The following RNF213 variants were observed in gnomAD, a reference collection of about 807,000 sequenced individuals.
RNF213 encodes ring finger protein 213, also known as E3 ubiquitin-protein ligase RNF213.
A neutral mutation model predicts 514.4 loss-of-function variants in RNF213; 341 were observed. The observed-to-expected ratio is 0.66, with a 90% confidence interval of 0.61 to 0.73. The LOEUF is 0.73. Ranked by LOEUF, RNF213 falls within the 30% of genes least tolerant of loss-of-function variation. The pLI, the probability that RNF213 is intolerant of heterozygous loss-of-function variation, is 0.00. For synonymous variants in RNF213, 2,655 were observed against 2,658.2 expected, an observed-to-expected ratio of 1.00 and a Z score of 0.04; for missense variants, 5,767 against 6,615.6, an observed-to-expected ratio of 0.87 and a Z score of 4.45.
At chr17:80,286,298 G>A (rs910138600) in intron 3 of RNF213, among the ~76,000 whole-genome samples, 8 of 152,094 alleles carry the variant, frequency 5.3e-5, no homozygotes, top group Non-Finnish European at 8.8e-5. Context: ...GGGTGGGGGC[G>A]CCTCCTGTGC....
chr17:80,295,853 A>G (rs1184096722), intron 10 of RNF213, 40 bp downstream of exon 10: 2 of 1,608,960 alleles, frequency 1.2e-6, no homozygotes, highest in South Asian at 1.1e-5. Context: ...TATAGCTATT[A>G]TAATGATTTT....
Position 80,386,379 on chromosome 17 carries a change from T to G in RNF213, c.14669T>G (p.Leu4890Arg), listed in dbSNP as rs1427354307. ...GCTCTCGTCAGCTACTTGATTCGCCTACACAATGAAATTGTCTACGCCGTG... is the reference window on the plus strand; with the variant it reads ...GCTCTCGTCAGCTACTTGATTCGCCGACACAATGAAATTGTCTACGCCGTG... The part of the protein sequence containing the change: ...ATALVSYLIR[L>R]HNEIVYAVEK... Residue 4890 changes from leucine (L) to arginine (R), a missense_variant, in exon 62 of 68, where the codon CTA (leucine) becomes CGA (arginine). Around this residue, in one of 13 missense-constraint regions of RNF213, gnomAD observed 1,245 missense variants for 1,339.0 expected, o/e 0.93. Coordinates refer to ENST00000582970, the MANE Select transcript of RNF213 (RefSeq NM_001256071.3). 6.2e-7 allele frequency: 1 copy of G among 1,614,182 alleles called. No homozygotes were observed. Among genetic ancestry groups the G allele is most frequent in the South Asian group, 1.1e-5 (1 of 91,092 alleles).
intron 3 of RNF213, among the ~76,000 whole-genome samples, chr17:80,279,085 C>T (rs2044168202): frequency 6.6e-6 from 1 of 152,234 alleles, no homozygotes; most frequent in African/African-American, 2.4e-5. Context: ...CTGATTCAGG[C>T]TTGGCTCTTG....
intron 63 of RNF213, among the ~76,000 whole-genome samples, chr17:80,387,983 G>A (rs535405594): frequency 1.1e-4 from 16 of 144,632 alleles, no homozygotes; most frequent in South Asian, 2.2e-4. Context: ...TTTTTGAGAC[G>A]GAGTCTCGCT....
rs2078086941 is a variant in RNF213 at position 80,339,538 on chromosome 17, C to T, written c.5171C>T (p.Ala1724Val). ...CTCAGGAAGCAGCCCCCGAGTGATG[C>T]CGCCCTAACGATGCTATCCTTCATC... ...TELRKQPPSDAALTMLSFIKS... is the reference protein window; with the variant it reads ...TELRKQPPSDVALTMLSFIKS... The change falls in exon 26 of 68, where the codon GCC (alanine) becomes GTC (valine). Residue 1724 changes from alanine (A) to valine (V), a missense_variant. Physicochemically the swap from Ala to Val is moderately conservative, Grantham distance 64. Transcript: ENST00000582970. 1.3e-6 allele frequency: 2 copies of T among 1,537,182 alleles called. No homozygotes were observed. Among genetic ancestry groups the T allele is most frequent in the East Asian group, 2.4e-5 (1 of 40,916 alleles).
intron 47 of RNF213, 36 bp downstream of exon 47, chr17:80,372,021 A>C (rs1386164232): frequency 3.7e-6 from 4 of 1,075,008 alleles, no homozygotes; most frequent in Non-Finnish European, 5.8e-6. Context: ...TTTCTTTTGG[A>C]AACTATCTGA....
chr17:80,269,504 T>C (rs1316061620), intron 2 of RNF213, among the ~76,000 whole-genome samples: 3 of 151,756 alleles, frequency 2.0e-5, no homozygotes, highest in Admixed American at 2.0e-4. Flanking sequence ...CATTCATCTA[T>C]TCTATCTATC....
chr17:80,276,192 C>G (rs1267165443), intron 3 of RNF213, among the ~76,000 whole-genome samples: 1 of 151,930 alleles, frequency 6.6e-6, no homozygotes, highest in Non-Finnish European at 1.5e-5. Flanking sequence ...CCTCCACCTC[C>G]CGGGTTCAAG....
Position 80,319,181 on chromosome 17 carries a change from T to G in RNF213, c.2902-9T>G, listed in dbSNP as rs1599014781. ...AAGCTCTGAAACCACCCCCCTTTGA[T>G]TTTTGCAGGAGGAACCCCTCTCCCA... On this transcript the variant is annotated splice_polypyrimidine_tract_variant and intron_variant, in intron 16 of 67. Coordinates refer to ENST00000582970, the MANE Select transcript of RNF213 (RefSeq NM_001256071.3). The G allele has an allele frequency of 6.2e-7, 1 of 1,614,126 alleles. No homozygotes were observed. The highest frequency in any genetic ancestry group is 2.2e-5 in the East Asian group (1 of 44,880).
chr17:80,359,331 G>A (rs1273530448), intron 37 of RNF213, among the ~76,000 whole-genome samples: 1 of 152,008 alleles, frequency 6.6e-6, no homozygotes, highest in Non-Finnish European at 1.5e-5. Flanking sequence ...TTGAAGACCA[G>A]CTTGGGCAAC....
At chr17:80,319,067 C>G in intron 16 of RNF213, 123 bp from the exon 17 acceptor site, 1 of 1,600,248 alleles carries the variant, frequency 6.2e-7, no homozygotes, top group Non-Finnish European at 8.5e-7. Flanking sequence ...CCAGGAGAAG[C>G]TTAAAATTGG....
At chr17:80,316,827 G>T (rs565127898) in intron 15 of RNF213, among the ~76,000 whole-genome samples, 1 of 152,268 alleles carries the variant, frequency 6.6e-6, no homozygotes, top group Non-Finnish European at 1.5e-5. Flanking sequence ...AGCGTGAATC[G>T]CACAGGACTG....
At chr17:80,302,918 G>C (rs1255526575) in intron 11 of RNF213, among the ~76,000 whole-genome samples, 1 of 152,056 alleles carries the variant, frequency 6.6e-6, no homozygotes, top group African/African-American at 2.4e-5. Flanking sequence ...ACTGAATACT[G>C]GGTTATTTAA....
intron 3 of RNF213, among the ~76,000 whole-genome samples, chr17:80,287,002 A>C (rs2044494971): frequency 6.6e-6 from 1 of 152,124 alleles, no homozygotes; most frequent in African/African-American, 2.4e-5. Flanking sequence ...CTCATTTCAA[A>C]TTTTATGTAC....
chr17:80,342,227 G>A (rs998197550), intron 26 of RNF213, among the ~76,000 whole-genome samples: 2 of 152,168 alleles, frequency 1.3e-5, no homozygotes, highest in Non-Finnish European at 2.9e-5. Flanking sequence ...GTGTGTGGTC[G>A]GCTCTACCAT....
At position 80,343,223 on chromosome 17, in the gene RNF213, C is replaced by A. The variant is rs772738249; in HGVS notation, c.6081C>A (p.Asp2027Glu). The change falls in exon 27 of 68, where the codon GAC becomes GAA. Residue 2027 changes from aspartate (D) to glutamate (E), a missense_variant. Asp to Glu is a conservative substitution (Grantham distance 45, BLOSUM62 2). Coordinates refer to ENST00000582970, the MANE Select transcript of RNF213 (RefSeq NM_001256071.3). The surrounding 1 kb of genome is among the most constrained non-coding windows in gnomAD (Gnocchi z 4.3). ...CTCTGAAAACAATTCGACTGATCGACCCTCAGGTGGATGAGAGCCGAGTCC... is the reference window on the plus strand; with the variant it reads ...CTCTGAAAACAATTCGACTGATCGAACCTCAGGTGGATGAGAGCCGAGTCC... ...NVPLKTIRLI[D>E]PQVDESRVLG... The A allele has an allele frequency of 8.7e-6, 14 of 1,613,928 alleles. No homozygotes were observed.
At chr17:80,313,825 TGGTGGA>T (rs2045689329) in intron 15 of RNF213, among the ~76,000 whole-genome samples, 1 of 101,498 alleles carries the variant, frequency 9.9e-6, no homozygotes, top group African/African-American at 4.1e-5. Context: ...GTGATGGTGG[TGGTGGA>T]GGTGATGGTG....
rs150172555 is a variant in RNF213 at position 80,389,883 on chromosome 17, C to T, written c.15251C>T (p.Ala5084Val). 16 of 1,614,098 alleles carry T rather than the reference C, an allele frequency of 9.9e-6. No individual in the cohort carries two copies. Among genetic ancestry groups the T allele is most frequent in the Non-Finnish European group, 1.4e-5 (16 of 1,180,042 alleles). ...HTIALWQFLS[A>V]HKSEQLLRLH... ...ATTGCCCTCTGGCAGTTCCTGTCTG[C>T]TCATAAGTCTGAACAGCTGCTGCGG... The change falls in exon 66 of 68, where the codon GCT (alanine) becomes GTT (valine). Residue 5084 changes from alanine (A) to valine (V), a missense_variant. By Grantham distance (64) the Ala-to-Val change is moderately conservative. Transcript: ENST00000582970.
At chr17:80,310,264 T>G (rs577105072) in intron 14 of RNF213, among the ~76,000 whole-genome samples, 45 of 151,910 alleles carry the variant, frequency 3.0e-4, no homozygotes, top group African/African-American at 1.1e-3. Context: ...ATTTGTTTGT[T>G]TTTTTGAGAT....
Sources: gnomAD v4.1 joint callset for allele counts (sites outside exome capture counted in the v4.1 genomes callset) on GRCh38, gnomAD v4.1.1 for gene constraint, gnomAD v4.1.1 regional missense constraint, Gnocchi (gnomAD v3.1) non-coding constraint, MANE v1.5 for transcripts, NCBI Gene and HGNC (gene_info 2026-07-23, HGNC 2026-07-21) for gene names.